ZNF678: variants seen among roughly 807,000 people sequenced by gnomAD.
The protein encoded by ZNF678 is zinc finger protein 678.
In ZNF678, 5 loss-of-function variants were observed where a neutral mutation model predicts 3.0. That is an observed-to-expected ratio of 1.69 (90% CI 0.88 to 3.56). The LOEUF (loss-of-function observed/expected upper bound fraction) is 3.56. Ranked by LOEUF, ZNF678 falls within the 30% of genes most tolerant of loss-of-function variation. ZNF678 has a pLI of 0.00. For missense variants in ZNF678, 593 were observed against 605.0 expected, an observed-to-expected ratio of 0.98 and a Z score of 0.21; for synonymous variants, 218 against 199.6, an observed-to-expected ratio of 1.09 and a Z score of -0.78.
At chr1:227,652,070 A>G (rs1032540632) in intron 3 of ZNF678, among the ~76,000 whole-genome samples, 55 of 152,308 alleles carry the variant, frequency 3.6e-4, no homozygotes, top group African/African-American at 1.3e-3. Flanking sequence ...TGGGAAACCT[A>G]GTGGGGAAGG....
intron 1 of ZNF678, among the ~76,000 whole-genome samples, chr1:227,600,562 A>G (rs923974449): frequency 2.0e-5 from 3 of 152,218 alleles, no homozygotes; most frequent in African/African-American, 7.2e-5. Flanking sequence ...CTTTTTAAAA[A>G]TGATTGTTGG....
intron 1 of ZNF678, among the ~76,000 whole-genome samples, chr1:227,572,641 A>C (rs1455912957): frequency 6.6e-6 from 1 of 151,956 alleles, no homozygotes; most frequent in African/African-American, 2.4e-5. Context: ...GCCTGGCCTT[A>C]TGTAAATAGA....
chr1:227,579,059 A>G (rs1028220115), intron 1 of ZNF678, among the ~76,000 whole-genome samples: 4 of 152,004 alleles, frequency 2.6e-5, no homozygotes, highest in Non-Finnish European at 4.4e-5. Context: ...TCTCTGGGAG[A>G]CTTGTATTGA....
intron 1 of ZNF678, among the ~76,000 whole-genome samples, chr1:227,628,412 T>C (rs1658470224): frequency 6.6e-6 from 1 of 152,246 alleles, no homozygotes; most frequent in African/African-American, 2.4e-5. Flanking sequence ...GTGTCCATTC[T>C]ACTAAATGGG....
intron 1 of ZNF678, among the ~76,000 whole-genome samples, chr1:227,581,138 T>C (rs1275802316): frequency 6.6e-6 from 1 of 152,086 alleles, no homozygotes; most frequent in East Asian, 1.9e-4. Context: ...CTTAGAAATA[T>C]AAAATCCTTA....
intron 5 of ZNF678, among the ~76,000 whole-genome samples, chr1:227,669,005 G>A (rs1659555089): frequency 6.6e-6 from 1 of 151,798 alleles, no homozygotes; most frequent in African/African-American, 2.4e-5. Flanking sequence ...ACTTTGGCAA[G>A]GAATTTAAGA....
At chr1:227,612,459 C>T (rs6688145) in intron 1 of ZNF678, among the ~76,000 whole-genome samples, 32,644 of 151,974 alleles carry the variant, frequency 0.21, 3,911 homozygotes, top group East Asian at 0.44. Flanking sequence ...TTTGGTGGAA[C>T]GGTGCTGATT....
intron 5 of ZNF678, among the ~76,000 whole-genome samples, chr1:227,669,375 G>A (rs780299115): frequency 6.6e-6 from 1 of 152,064 alleles, no homozygotes; most frequent in Non-Finnish European, 1.5e-5. Context: ...ATCTCCCCAC[G>A]CCTGTAATCC....
chr1:227,587,894 G>A (rs1340561463), intron 1 of ZNF678, among the ~76,000 whole-genome samples: 2 of 147,374 alleles, frequency 1.4e-5, no homozygotes, highest in African/African-American at 5.0e-5. Context: ...TTGCATAGAT[G>A]TGTGCCATAG....
At chr1:227,644,429 T>C (rs531057260) in intron 1 of ZNF678, among the ~76,000 whole-genome samples, 1 of 152,328 alleles carries the variant, frequency 6.6e-6, no homozygotes, top group South Asian at 2.1e-4. Context: ...ATTGTGGTCC[T>C]CTTTAAACTT....
chr1:227,592,325 C>T (rs1196114856), intron 1 of ZNF678, among the ~76,000 whole-genome samples: 1 of 152,202 alleles, frequency 6.6e-6, no homozygotes, highest in African/African-American at 2.4e-5. Context: ...TAAGAGTTAG[C>T]TTATCTGCTT....
intron 1 of ZNF678, among the ~76,000 whole-genome samples, chr1:227,622,604 T>C (rs961833649): frequency 6.6e-6 from 1 of 152,222 alleles, no homozygotes; most frequent in Non-Finnish European, 1.5e-5. Flanking sequence ...TAATTACTTA[T>C]GGTAGTGAGA....
At chr1:227,625,086 G>A (rs1658376209) in intron 1 of ZNF678, among the ~76,000 whole-genome samples, 1 of 152,220 alleles carries the variant, frequency 6.6e-6, no homozygotes, top group Admixed American at 6.5e-5. Context: ...TCAGGCAATA[G>A]ATGATTGACT....
chr1:227,603,606 G>T (rs1393308014), intron 1 of ZNF678, among the ~76,000 whole-genome samples: 1 of 152,128 alleles, frequency 6.6e-6, no homozygotes, highest in Admixed American at 6.5e-5. Context: ...ATTGCTCATG[G>T]GCTCCAGGGT....
In ZNF678 at chr1:227,661,961, C is replaced by G. The variant is rs1451046122; in HGVS notation, c.*6133C>G. 6.6e-6 allele frequency: 1 copy of G among 152,184 alleles called. No homozygotes were observed. The highest frequency in any genetic ancestry group is 1.9e-4 in the East Asian group (1 of 5,200). 9.4% of individuals were successfully genotyped at this position (152,184 alleles called of 1,614,324 possible). A position where few individuals can be genotyped will look rare whatever the true frequency, so the allele number is the denominator to read the frequency against. On this transcript the variant is annotated 3_prime_UTR_variant, in exon 4 of 4. Transcript: ENST00000343776. Reference sequence around the variant, plus strand: ...TACTCGGGGGACAAGGAGGGAACTACAGTCAGTAACAGCAGCATGAGCCTC... The same window carrying G: ...TACTCGGGGGACAAGGAGGGAACTAGAGTCAGTAACAGCAGCATGAGCCTC...
downstream of ZNF678, among the ~76,000 whole-genome samples, chr1:227,666,289 G>A (rs1659502836): frequency 6.6e-6 from 1 of 152,108 alleles, no homozygotes. Flanking sequence ...GCCCAAACAG[G>A]TAAAAAGTCT....
At chr1:227,675,146 T>C (rs990621970) in intron 5 of ZNF678, among the ~76,000 whole-genome samples, 1 of 152,100 alleles carries the variant, frequency 6.6e-6, no homozygotes, top group African/African-American at 2.4e-5. Context: ...TGGGAGATAA[T>C]AAGGTTTAGA....
chr1:227,604,580 G>T (rs1467149190), intron 1 of ZNF678, among the ~76,000 whole-genome samples: 2 of 151,956 alleles, frequency 1.3e-5, no homozygotes, highest in African/African-American at 4.8e-5. Flanking sequence ...AGTAGAGATG[G>T]GATTTCACCA....
chr1:227,668,162 A>G (rs1228072909), intron 5 of ZNF678, among the ~76,000 whole-genome samples: 2 of 151,980 alleles, frequency 1.3e-5, no homozygotes, highest in Non-Finnish European at 2.9e-5. Context: ...GGAAGAAGTC[A>G]TATCCCTGAA....
Sources: allele counts gnomAD v4.1 joint callset (sites outside exome capture counted in the v4.1 genomes callset), GRCh38; gene constraint gnomAD v4.1.1; transcripts MANE v1.5; gene names NCBI Gene and HGNC (gene_info 2026-07-23, HGNC 2026-07-21).